RBFOX1: variants seen among roughly 807,000 people sequenced by gnomAD.
RBFOX1 encodes RNA binding protein fox-1 homolog 1.
Under a neutral mutation model 57.7 loss-of-function variants are expected in RBFOX1, and 8 were observed. The ratio of observed to expected loss-of-function variants is 0.14; its 90% confidence interval spans 0.08 to 0.25. The LOEUF is 0.25. RBFOX1 is among the 10% of genes least tolerant of loss of function. RBFOX1 has a pLI of 1.00. For missense variants in RBFOX1, 611 were observed against 548.5 expected (o/e 1.11, Z -1.14); for synonymous variants, 326 against 222.4 (o/e 1.47, Z -4.15).
intron 2 of RBFOX1, among the ~76,000 whole-genome samples, chr16:6,615,524 C>T (rs1292512898): frequency 1.3e-5 from 2 of 151,370 alleles, no homozygotes; most frequent in South Asian, 2.1e-4. Context: ...GAGCCAAGAT[C>T]GCACCACATC....
chr16:5,416,013 T>A (rs1284533912), intron 1 of RBFOX1, among the ~76,000 whole-genome samples: 2 of 151,644 alleles, frequency 1.3e-5, no homozygotes, highest in African/African-American at 2.4e-5. Flanking sequence ...ATAGGGGAGG[T>A]TTCTCTGGAA....
At chr16:7,594,915 C>A (rs1355298384) in intron 7 of RBFOX1, among the ~76,000 whole-genome samples, 1 of 152,126 alleles carries the variant, frequency 6.6e-6, no homozygotes, top group African/African-American at 2.4e-5. Context: ...CTGTTCATTT[C>A]ATGTGACTTT....
intron 3 of RBFOX1, among the ~76,000 whole-genome samples, chr16:6,862,174 G>A (rs2059138379): frequency 6.6e-6 from 1 of 152,142 alleles, no homozygotes; most frequent in South Asian, 2.1e-4. Flanking sequence ...AGGGCTTGCT[G>A]TGTGTGTCAT....
intron 3 of RBFOX1, among the ~76,000 whole-genome samples, chr16:6,925,132 TTTTTTTTTTTTTTTTTTTTG>T: frequency 1.0e-5 from 1 of 99,452 alleles, no homozygotes; most frequent in Non-Finnish European, 2.0e-5. Flanking sequence ...TTTTTTTTTT[TTTTTTTTTTTTTTTTTTTTG>T]AGATGGAGTT....
chr16:7,695,703 C>G (rs867100967), intron 14 of RBFOX1, among the ~76,000 whole-genome samples: 7 of 144,916 alleles, frequency 4.8e-5, no homozygotes, highest in African/African-American at 1.5e-4. Context: ...ACATTCTAAA[C>G]AGCACTACTG....
chr16:6,368,962 A>G (rs1022894884), intron 2 of RBFOX1, among the ~76,000 whole-genome samples: 96 of 152,250 alleles, frequency 6.3e-4, no homozygotes, highest in African/African-American at 2.3e-3. Context: ...AGTGTTGGAA[A>G]AAAGGAACAA....
intron 4 of RBFOX1, among the ~76,000 whole-genome samples, chr16:7,180,859 C>G (rs763784145): frequency 3.3e-5 from 5 of 152,200 alleles, no homozygotes; most frequent in African/African-American, 7.2e-5. Flanking sequence ...AAGCTCATGA[C>G]ATTGCCACAA....
intron 1 of RBFOX1, among the ~76,000 whole-genome samples, chr16:5,282,062 G>A (rs182682934): frequency 7.2e-4 from 109 of 152,306 alleles, no homozygotes; most frequent in African/African-American, 2.3e-3. Context: ...CCAGTGGGAC[G>A]TAGTTGAATT....
intron 3 of RBFOX1, among the ~76,000 whole-genome samples, chr16:6,911,475 C>T (rs545265552): frequency 2.6e-5 from 4 of 152,234 alleles, no homozygotes; most frequent in African/African-American, 7.2e-5. Flanking sequence ...TGATCTCTGC[C>T]TTCACCTGCA....
At chr16:5,990,322 C>T (rs951667295) in intron 4 of RBFOX1, among the ~76,000 whole-genome samples, 13 of 152,106 alleles carry the variant, frequency 8.5e-5, no homozygotes, top group East Asian at 5.8e-4. Flanking sequence ...TTTCCACTGG[C>T]CGTAATGGAA....
chr16:7,274,515 G>A (rs926201189), intron 4 of RBFOX1, among the ~76,000 whole-genome samples: 1 of 152,068 alleles, frequency 6.6e-6, no homozygotes, highest in Admixed American at 6.6e-5. Flanking sequence ...ATGCCTGAGA[G>A]TTTGGGACTT....
At chr16:7,435,370 C>T (rs1598365834) in intron 4 of RBFOX1, among the ~76,000 whole-genome samples, 1 of 152,030 alleles carries the variant, frequency 6.6e-6, no homozygotes, top group Admixed American at 6.5e-5. Context: ...TTGTATCACA[C>T]CATGTCAGTG....
At chr16:6,866,207 C>T (rs1315077863) in intron 3 of RBFOX1, among the ~76,000 whole-genome samples, 1 of 151,770 alleles carries the variant, frequency 6.6e-6, no homozygotes, top group Non-Finnish European at 1.5e-5. Context: ...TTCTTTATTA[C>T]TTCAGTGTCT....
intron 4 of RBFOX1, among the ~76,000 whole-genome samples, chr16:7,112,423 G>C (rs111851805): frequency 0.018 from 2,631 of 148,312 alleles, 84 homozygotes; most frequent in African/African-American, 0.062. Flanking sequence ...ATGTTGGCCA[G>C]GCTGAACTCC....
At chr16:6,940,840 G>C (rs1428823796) in intron 3 of RBFOX1, among the ~76,000 whole-genome samples, 1 of 117,070 alleles carries the variant, frequency 8.5e-6, no homozygotes. Flanking sequence ...CTGCCACCAT[G>C]TCCGGCTAGT....
At chr16:7,437,752 T>C (rs111548197) in intron 4 of RBFOX1, among the ~76,000 whole-genome samples, 10 of 152,266 alleles carry the variant, frequency 6.6e-5, no homozygotes, top group South Asian at 6.2e-4. Context: ...GATTTACTTA[T>C]ACTGCTCGAC....
At chr16:7,041,037 C>A (rs560950436) in intron 3 of RBFOX1, among the ~76,000 whole-genome samples, 5 of 151,518 alleles carry the variant, frequency 3.3e-5, no homozygotes, top group Non-Finnish European at 7.4e-5. Context: ...TGCCTCAGCC[C>A]CCTGAGTAGC....
At chr16:7,676,269 C>A (rs967117677) in intron 13 of RBFOX1, among the ~76,000 whole-genome samples, 81 of 152,148 alleles carry the variant, frequency 5.3e-4, no homozygotes, top group African/African-American at 2.0e-3. Flanking sequence ...GGTTTAACAA[C>A]CAGATAGGTA....
At chr16:6,549,680 A>G (rs75295205) in intron 2 of RBFOX1, among the ~76,000 whole-genome samples, 2,479 of 152,158 alleles carry the variant, frequency 0.016, 81 homozygotes, top group African/African-American at 0.057. Context: ...TCCCTAGACG[A>G]TAGGGCTGGA....
Sources: allele counts gnomAD v4.1 joint callset (sites outside exome capture counted in the v4.1 genomes callset), GRCh38; gene constraint gnomAD v4.1.1; transcripts MANE v1.5; gene names NCBI Gene and HGNC (gene_info 2026-07-23, HGNC 2026-07-21).